VPS37B: variants seen among roughly 807,000 people sequenced by gnomAD.
The protein encoded by VPS37B is vacuolar protein sorting-associated protein 37B.
In VPS37B, 11 loss-of-function variants were observed where a neutral mutation model predicts 21.2. That is an observed-to-expected ratio of 0.52 (90% CI 0.33 to 0.86). The LOEUF is 0.86. VPS37B is among the 40% of genes least tolerant of loss of function. The pLI is 0.03. For synonymous variants in VPS37B, 175 were observed against 159.6 expected (o/e 1.10, Z -0.73); for missense variants, 389 against 374.8 (o/e 1.04, Z -0.31).
In VPS37B at chr12:122,872,703, C is replaced by T. The variant is rs986281570; in HGVS notation, c.112-1642G>A. The T allele has an allele frequency of 6.1e-6, 6 of 985,282 alleles. No homozygotes were observed. The African/African-American group carries it at 1.0e-4, about 17-fold the overall frequency. 61.0% of individuals were successfully genotyped at this position (985,282 alleles called of 1,614,324 possible). ...GAACAAACAAAAACCACTGTATGGC[C>T]ACTCTGGAAAACAGGCACTTTTTAA... On this transcript the variant is annotated intron_variant, in intron 1 of 3. Transcript: ENST00000267202.
intron 1 of VPS37B, chr12:122,888,553 A>C (rs1034585950): frequency 2.2e-6 from 1 of 455,916 alleles, no homozygotes; most frequent in Non-Finnish European, 4.4e-6. Flanking sequence ...ATTCTGCTAC[A>C]AATACTGTAA....
At chr12:122,882,712 T>G (rs2135707671) in intron 1 of VPS37B, 1 of 152,344 alleles carries the variant, frequency 6.6e-6, no homozygotes, top group East Asian at 1.9e-4. Flanking sequence ...TTCACCAAAG[T>G]AACATGCAAT....
At chr12:122,891,698 A>C (rs2034413044) in intron 1 of VPS37B, among the ~76,000 whole-genome samples, 1 of 152,270 alleles carries the variant, frequency 6.6e-6, no homozygotes, top group Non-Finnish European at 1.5e-5. Context: ...CAGTCTCACC[A>C]GCATTCAGAG....
chr12:122,872,438 C>T, intron 1 of VPS37B: 2 of 985,510 alleles, frequency 2.0e-6, no homozygotes, highest in African/African-American at 1.7e-5. Context: ...TCTCTCCCAA[C>T]TCTAAAGTAA....
intron 1 of VPS37B, chr12:122,885,414 T>C (rs1040936024): frequency 6.6e-6 from 1 of 152,178 alleles, no homozygotes; most frequent in Admixed American, 6.5e-5. Context: ...AAAGATCACA[T>C]AGCTGTTAAA....
rs528826605 is a variant in VPS37B, at chr12:122,868,184, G to C, written c.366+296C>G. Among the ~76,000 whole-genome samples, 1 of 152,348 alleles carries C rather than the reference G, an allele frequency of 6.6e-6. No homozygotes were observed. The highest frequency in any genetic ancestry group is 1.9e-4 in the East Asian group (1 of 5,186). On this transcript the variant is annotated intron_variant, in intron 3 of 3. Coordinates refer to ENST00000267202, the MANE Select transcript of VPS37B (RefSeq NM_024667.3). The surrounding 1 kb of genome is among the most constrained non-coding windows in gnomAD (Gnocchi z 5.5). ...TGTAGCCTCCTCCCAGCTGGCCCTT[G>C]AACGACGGCACGTGGTAATCCGCCA... is the stretch of plus-strand genomic sequence containing the variant.
chr12:122,866,715 GAC>G lies in VPS37B; in HGVS notation c.*399_*400del. ...CAGGGCTGCAGTGGCCGGTGGGTGA[GAC>G]ACATAGGACTGTCTTTCGAAAATAA... On this transcript the variant is annotated 3_prime_UTR_variant, in exon 4 of 4. Coordinates refer to ENST00000267202, the MANE Select transcript of VPS37B (RefSeq NM_024667.3). 1 of 159,794 alleles carries G rather than the reference GAC, an allele frequency of 6.3e-6. No individual in the cohort carries two copies. Among genetic ancestry groups the G allele is most frequent in the East Asian group, 1.8e-4 (1 of 5,544 alleles). The allele number at this position is 159,794 out of a possible 1,614,324, so 9.9% of individuals were successfully genotyped here.
chr12:122,894,509 C>G (rs1302581784), intron 1 of VPS37B, among the ~76,000 whole-genome samples: 1 of 152,224 alleles, frequency 6.6e-6, no homozygotes, highest in Non-Finnish European at 1.5e-5. Context: ...TGAACAATCC[C>G]TCTTCGGAAA....
chr12:122,895,102 G>A (rs957501830), intron 1 of VPS37B, among the ~76,000 whole-genome samples: 6 of 152,068 alleles, frequency 3.9e-5, no homozygotes, highest in Non-Finnish European at 8.8e-5. Flanking sequence ...TCAGACTCCA[G>A]GGGCATTATT....
intron 1 of VPS37B, chr12:122,880,925 G>C (rs2034239015): frequency 6.6e-6 from 1 of 152,334 alleles, no homozygotes; most frequent in South Asian, 2.1e-4. Flanking sequence ...ACTGAGCGTT[G>C]TGCACTGCCC....
intron 1 of VPS37B, among the ~76,000 whole-genome samples, chr12:122,893,064 A>AC (rs1207460702): frequency 2.0e-5 from 3 of 151,888 alleles, no homozygotes; most frequent in Admixed American, 1.3e-4. Context: ...TTTCTCAAAA[A>AC]AAAAAAAAAA....
Position 122,896,028 on chromosome 12 carries a change from C to G in VPS37B, c.35G>C (p.Gly12Ala), listed in dbSNP as rs770674570. ...CTCGTTGAGCTGCACCAGCGACAGC[C>G]CGGCGAACCGGGCTTCGCTCCCGGC... ...AGAGSEARFA[G>A]LSLVQLNELL... Residue 12 changes from glycine to alanine, a missense_variant, in exon 1 of 4, where the codon GGG (glycine) becomes GCG (alanine). Physicochemically the swap from Gly to Ala is moderately conservative, Grantham distance 60 (BLOSUM62 0). Coordinates refer to ENST00000267202, the MANE Select transcript of VPS37B (RefSeq NM_024667.3). 6.3e-7 allele frequency: 1 copy of G among 1,591,606 alleles called. No individual in the cohort carries two copies. The highest frequency in any genetic ancestry group is 1.1e-5 in the South Asian group (1 of 89,776).
chr12:122,893,701 C>T (rs564796229), intron 1 of VPS37B, among the ~76,000 whole-genome samples: 3 of 149,134 alleles, frequency 2.0e-5, no homozygotes, highest in African/African-American at 7.8e-5. Flanking sequence ...TTTAAAAGCA[C>T]TACACCCAGA....
chr12:122,870,818 G>GT, intron 2 of VPS37B, 72 bp downstream of exon 2: 1 of 1,504,714 alleles, frequency 6.6e-7, no homozygotes, highest in Non-Finnish European at 9.0e-7. Flanking sequence ...TTCTTTCCTG[G>GT]TAGGGCAATA....
At chr12:122,889,166 G>A (rs1593924667) in intron 1 of VPS37B, 1 of 152,930 alleles carries the variant, frequency 6.5e-6, no homozygotes, top group East Asian at 1.9e-4. Context: ...ACACAGGGAA[G>A]TGACTTACAA....
chr12:122,889,722 CA>C (rs11452783), intron 1 of VPS37B: 908 of 73,314 alleles, frequency 0.012, 8 homozygotes, highest in African/African-American at 0.035. Context: ...AACTCGGTCT[CA>C]AAAAAAAAAA....
At position 122,896,053 on chromosome 12, in the gene VPS37B, C is replaced by A; in HGVS notation, c.10G>T (p.Ala4Ser). MAG[A>S]GSEARFAGLS... The stretch of plus-strand genomic sequence containing the variant: ...CCGGCGAACCGGGCTTCGCTCCCGG[C>A]GCCCGCCATCCCCACGTCTCGGCCG... The change falls in exon 1 of 4, where the codon GCC becomes TCC. Residue 4 changes from alanine (A) to serine (S), a missense_variant. Physicochemically the swap from Ala to Ser is moderately conservative, Grantham distance 99. Transcript: ENST00000267202. 6.3e-7 allele frequency: 1 copy of A among 1,580,654 alleles called. No homozygotes were observed. Among genetic ancestry groups the A allele is most frequent in the Non-Finnish European group, 8.6e-7 (1 of 1,169,482 alleles).
intron 1 of VPS37B, 31 bp downstream of exon 1, chr12:122,895,921 C>G: frequency 6.2e-7 from 1 of 1,602,944 alleles, no homozygotes; most frequent in Non-Finnish European, 8.5e-7. Flanking sequence ...CGAGGCCTCA[C>G]AGCCGCCGCC....
intron 1 of VPS37B, chr12:122,886,560 C>T (rs1026405386): frequency 1.3e-5 from 2 of 152,182 alleles, no homozygotes; most frequent in Non-Finnish European, 2.9e-5. Flanking sequence ...GGTCACACCA[C>T]CATGCTCTAG....
Sources: allele counts gnomAD v4.1 joint callset (sites outside exome capture counted in the v4.1 genomes callset), GRCh38; gene constraint gnomAD v4.1.1; non-coding constraint Gnocchi (gnomAD v3.1); transcripts MANE v1.5; gene names NCBI Gene and HGNC (gene_info 2026-07-23, HGNC 2026-07-21).